CPPED1: variants seen among roughly 807,000 people sequenced by gnomAD.
CPPED1 encodes the protein serine/threonine-protein phosphatase CPPED1.
In CPPED1, 28 loss-of-function variants were observed where a neutral mutation model predicts 28.0. That is an observed-to-expected ratio of 1.00 (90% CI 0.74 to 1.37). The LOEUF is 1.37. Among genes scored for constraint, CPPED1 ranks in the 40% most tolerant of loss-of-function variants. The probability of loss-of-function intolerance (pLI) is 0.00; values close to 1 mark genes in which losing one functional copy is unlikely to be tolerated. For missense variants in CPPED1, 504 were observed against 416.5 expected (o/e 1.21, Z -1.83); for synonymous variants, 198 against 180.2 (o/e 1.10, Z -0.79).
In CPPED1 at chr16:12,781,178, G is replaced by C. The variant is rs375717939; in HGVS notation, c.289+7C>G. On this transcript the variant is annotated splice_region_variant and intron_variant, in intron 2 of 3. Transcript: ENST00000381774. Reference sequence around the variant, plus strand: ...GAAAAGGTCACAAGCGATGACCCGAGTCTTACCTGGCATGGCGTGGATGAG... The same window carrying C: ...GAAAAGGTCACAAGCGATGACCCGACTCTTACCTGGCATGGCGTGGATGAG... 512 of 1,610,192 alleles carry C rather than the reference G, an allele frequency of 3.2e-4. 1 individual carries two copies. The African/African-American group carries it at 4.9e-3, about 15-fold the overall frequency.
intron 2 of CPPED1, among the ~76,000 whole-genome samples, chr16:12,736,066 C>A (rs943446331): frequency 6.6e-6 from 1 of 152,120 alleles, no homozygotes; most frequent in Admixed American, 6.5e-5. Flanking sequence ...TGGTGCCTGG[C>A]ACTTCTGTAT....
chr16:12,693,706 G>C lies in CPPED1; in HGVS notation c.715+10918C>G, dbSNP rs113283093. ...AATAACTTGAACTAGTAGACGGAAT[G>C]AGCGTTTCACTAAGCTGGAGATACT... is the stretch of plus-strand genomic sequence containing the variant. On this transcript the variant is annotated intron_variant, in intron 3 of 3. Coordinates refer to ENST00000381774, the MANE Select transcript of CPPED1 (RefSeq NM_018340.3). 1.9e-3 allele frequency among the ~76,000 whole-genome samples: 286 copies of C among 152,306 alleles called. 1 individual carries two copies. Among genetic ancestry groups the C allele is most frequent in the Non-Finnish European group, 2.3e-3 (155 of 68,036 alleles).
intron 1 of CPPED1, 92 bp downstream of exon 1, chr16:12,803,615 G>C: frequency 8.8e-7 from 1 of 1,142,286 alleles, no homozygotes; most frequent in African/African-American, 1.7e-5. Flanking sequence ...GATGGTGTCC[G>C]ACTGGCGGAG....
At chr16:12,802,217 T>C (rs1465256883) in intron 1 of CPPED1, among the ~76,000 whole-genome samples, 3 of 152,124 alleles carry the variant, frequency 2.0e-5, no homozygotes, top group Non-Finnish European at 4.4e-5. Context: ...CAACAGAATG[T>C]ATAAGGTATA....
intron 3 of CPPED1, among the ~76,000 whole-genome samples, chr16:12,686,248 T>A (rs1056601922): frequency 5.3e-5 from 8 of 151,950 alleles, no homozygotes; most frequent in African/African-American, 1.9e-4. Context: ...TATATTTTTT[T>A]TTTTGAGATG....
intron 1 of CPPED1, among the ~76,000 whole-genome samples, chr16:12,788,270 C>G (rs940205699): frequency 6.6e-6 from 1 of 152,186 alleles, no homozygotes; most frequent in Non-Finnish European, 1.5e-5. Flanking sequence ...TCACACAAAG[C>G]ATGAACACCT....
At chr16:12,745,162 G>C (rs1436180522) in intron 2 of CPPED1, among the ~76,000 whole-genome samples, 1 of 151,376 alleles carries the variant, frequency 6.6e-6, no homozygotes, top group African/African-American at 2.5e-5. Flanking sequence ...GTGTGCAACA[G>C]AAATCCCTCA....
intron 2 of CPPED1, among the ~76,000 whole-genome samples, chr16:12,741,300 CTT>C (rs11322298): frequency 1.2e-3 from 158 of 128,622 alleles, no homozygotes; most frequent in African/African-American, 2.0e-3. Flanking sequence ...TCTGGCTGCC[CTT>C]TTTTTTTTTT....
Position 12,732,350 on chromosome 16 carries a change from GA to G in CPPED1, c.290-27302del, listed in dbSNP as rs34848941. ...CAAAAAGTAGAGTGAGCAAGGAAGT[GA>G]AAAAAAAAAAAGGAAATAATATTTG... On this transcript the variant is annotated intron_variant, in intron 2 of 3. Coordinates refer to ENST00000381774, the MANE Select transcript of CPPED1 (RefSeq NM_018340.3). 1.3e-3 allele frequency among the ~76,000 whole-genome samples: 178 copies of G among 141,248 alleles called. 1 individual carries two copies. The highest frequency in any genetic ancestry group is 3.0e-3 in the African/African-American group (116 of 38,110). 92.7% of individuals were successfully genotyped at this position (141,248 alleles called of 152,430 possible). A position where few individuals can be genotyped will look rare whatever the true frequency, so the allele number is the denominator to read the frequency against.
intron 3 of CPPED1, among the ~76,000 whole-genome samples, chr16:12,677,746 C>A (rs2141170352): frequency 6.6e-6 from 1 of 152,330 alleles, no homozygotes; most frequent in South Asian, 2.1e-4. Context: ...TTGATTCAAA[C>A]CCTCTCATCC....
chr16:12,765,829 C>A (rs532481311), intron 2 of CPPED1, among the ~76,000 whole-genome samples: 1 of 152,126 alleles, frequency 6.6e-6, no homozygotes, highest in Non-Finnish European at 1.5e-5. Flanking sequence ...CATTCAAATG[C>A]GCCATTTTCC....
At position 12,704,788 on chromosome 16, in the gene CPPED1, C is replaced by T. The variant is rs1244355161; in HGVS notation, c.551G>A (p.Trp184Ter). 1 of 1,614,090 alleles carries T rather than the reference C, an allele frequency of 6.2e-7. No homozygotes were observed. The highest frequency in any genetic ancestry group is 8.5e-7 in the Non-Finnish European group (1 of 1,180,046). The change falls in exon 3 of 4, where the codon TGG becomes TAG. Residue 184 changes from tryptophan (W) to a stop codon, truncating the protein, a stop_gained. Transcript: ENST00000381774. LOFTEE classifies it high-confidence loss of function. ...CGCGATGCTCAGCTGCTCGTCCAGC[C>T]ACTGGTCCTGAGCCTGCTTCAGGCT... ...CPSLKQAQDQWLDEQLSIARQ... is the reference protein window; with the variant it reads ...CPSLKQAQDQ
At chr16:12,727,813 C>T (rs1384687062) in intron 2 of CPPED1, among the ~76,000 whole-genome samples, 6 of 152,162 alleles carry the variant, frequency 3.9e-5, no homozygotes, top group Non-Finnish European at 8.8e-5. Context: ...CTTGCAGCAG[C>T]CAGTAGTATT....
chr16:12,781,110 C>CT (rs1567305000), intron 2 of CPPED1, 75 bp downstream of exon 2: 21 of 1,390,588 alleles, frequency 1.5e-5, no homozygotes, highest in Non-Finnish European at 2.1e-5. Flanking sequence ...GAAGCAAAAT[C>CT]TTTTTTTCTC....
intron 2 of CPPED1, among the ~76,000 whole-genome samples, chr16:12,767,521 C>T (rs1224341103): frequency 6.6e-6 from 1 of 152,142 alleles, no homozygotes; most frequent in Admixed American, 6.5e-5. Flanking sequence ...GAGCTGTGGA[C>T]CTTCTCCCCA....
intron 2 of CPPED1, among the ~76,000 whole-genome samples, chr16:12,722,533 T>C (rs1230245777): frequency 6.6e-6 from 1 of 152,004 alleles, no homozygotes; most frequent in East Asian, 1.9e-4. Flanking sequence ...AGCCCCAGAG[T>C]TCAGACCAGC....
At chr16:12,757,148 G>C (rs1012322489) in intron 2 of CPPED1, among the ~76,000 whole-genome samples, 1 of 152,164 alleles carries the variant, frequency 6.6e-6, no homozygotes, top group Admixed American at 6.5e-5. Flanking sequence ...TTAAGTTATA[G>C]CACCTCGAGG....
intron 2 of CPPED1, among the ~76,000 whole-genome samples, chr16:12,715,291 T>C (rs1043501844): frequency 1.3e-5 from 2 of 152,160 alleles, no homozygotes; most frequent in African/African-American, 4.8e-5. Context: ...ATAATTTTCA[T>C]ATAAAATTTA....
At chr16:12,766,614 C>T (rs1242343472) in intron 2 of CPPED1, among the ~76,000 whole-genome samples, 2 of 152,020 alleles carry the variant, frequency 1.3e-5, no homozygotes, top group Non-Finnish European at 2.9e-5. Flanking sequence ...GGACACAGAG[C>T]CAAACCATAT....
Sources: allele counts gnomAD v4.1 joint callset (sites outside exome capture counted in the v4.1 genomes callset), GRCh38; gene constraint gnomAD v4.1.1; transcripts MANE v1.5; gene names NCBI Gene and HGNC (gene_info 2026-07-23, HGNC 2026-07-21).